The following FAM83H variants were observed in gnomAD, a reference collection of about 807,000 sequenced individuals.
The protein encoded by FAM83H is protein FAM83H.
In FAM83H, 24 loss-of-function variants were observed where a neutral mutation model predicts 30.2. The ratio of observed to expected loss-of-function variants is 0.79; its 90% confidence interval spans 0.57 to 1.12. The LOEUF is 1.12. Among genes scored for constraint, FAM83H ranks in the 50% most tolerant of loss-of-function variants. FAM83H has a pLI of 0.00. For missense variants in FAM83H, 2,038 were observed against 1,773.9 expected (o/e 1.15, Z -2.67); for synonymous variants, 1,013 against 821.7 (o/e 1.23, Z -3.98).
Position 143,727,472 on chromosome 8 carries a change from G to C in FAM83H, c.1989C>G (p.Ala663=), listed in dbSNP as rs1554622602. Residue 663 remains alanine, a synonymous_variant, in exon 5 of 5, where the codon GCC becomes GCG. Coordinates refer to ENST00000388913, the MANE Select transcript of FAM83H (RefSeq NM_198488.5). ...EREGPEEPGL[A]KQDSFRSRLN... ...GGCGCGAGCGGAATGAGTCCTGCTT[G>C]GCCAGGCCAGGCTCCTCCGGGCCCT... 1.3e-6 allele frequency: 2 copies of C among 1,569,376 alleles called. No individual in the cohort carries two copies. Among genetic ancestry groups the C allele is most frequent in the Non-Finnish European group, 1.7e-6 (2 of 1,165,186 alleles).
chr8:143,727,419 C>G lies in FAM83H; in HGVS notation c.2042G>C (p.Arg681Thr). Reference sequence around the variant, plus strand: ...GCTGAAGATGAGCGAGGAGCGCAGCCTGGAGCTGCGCTGGACCAGGGGGTT... The same window carrying G: ...GCTGAAGATGAGCGAGGAGCGCAGCGTGGAGCTGCGCTGGACCAGGGGGTT... ...RLNPLVQRSS[R>T]LRSSLIFSTS... Residue 681 changes from arginine (R) to threonine (T), a missense_variant, in exon 5 of 5, where the codon AGG (arginine) becomes ACG (threonine). By Grantham distance (71) the Arg-to-Thr change is moderately conservative (BLOSUM62 -1). Coordinates refer to ENST00000388913, the MANE Select transcript of FAM83H (RefSeq NM_198488.5). 1 of 1,571,562 alleles carries G rather than the reference C, an allele frequency of 6.4e-7. No individual in the cohort carries two copies. Among genetic ancestry groups the G allele is most frequent in the South Asian group, 1.1e-5 (1 of 88,084 alleles).
rs1311605717 is a variant in FAM83H, at chr8:143,725,855, G to A, written c.*66C>T. On this transcript the variant is annotated 3_prime_UTR_variant, in exon 5 of 5. Transcript: ENST00000388913. ...GCAGATGAGCAGGGCTCTCTGTTCC[G>A]CGGGGCTTCTGGATGACCGGGGCAG... is the stretch of plus-strand genomic sequence containing the variant. 8.2e-6 allele frequency: 13 copies of A among 1,584,412 alleles called. No homozygotes were observed. The highest frequency in any genetic ancestry group is 2.3e-5 in the East Asian group (1 of 44,102).
rs1818584765 is a variant in FAM83H, at chr8:143,733,093, G to A, written c.-16+598C>T. On this transcript the variant is annotated intron_variant, in intron 1 of 4. Coordinates refer to ENST00000388913, the MANE Select transcript of FAM83H (RefSeq NM_198488.5). This position sits in a 1 kb window ranked among gnomAD's most constrained non-coding sequence, Gnocchi z 5.6. ...GCGGAAAGGTGGGGTGCGGAGGACG[G>A]GGCTCACAGACCGGAAGTCGCTCAG... 6.5e-6 allele frequency: 1 copy of A among 154,558 alleles called. No individual in the cohort carries two copies. Among genetic ancestry groups the A allele is most frequent in the Non-Finnish European group, 1.5e-5 (1 of 68,372 alleles). 9.6% of individuals were successfully genotyped at this position (154,558 alleles called of 1,614,324 possible). A position where few individuals can be genotyped will look rare whatever the true frequency, so the allele number is the denominator to read the frequency against.
rs782512164 is a variant in FAM83H at position 143,728,233 on chromosome 8, G to A, written c.1228C>T (p.His410Tyr). 1 of 1,587,388 alleles carries A rather than the reference G, an allele frequency of 6.3e-7. No individual in the cohort carries two copies. Among genetic ancestry groups the A allele is most frequent in the South Asian group, 1.1e-5 (1 of 89,048 alleles). The change falls in exon 5 of 5, where the codon CAC (histidine) becomes TAC (tyrosine). Residue 410 changes from histidine (H) to tyrosine (Y), a missense_variant. Transcript: ENST00000388913. ...CCCGCGCCCTCGGTCGCGAAGCTGT[G>A]CCGCTTGAAGGCGTCCATCTCCAGG... ...RHLEMDAFKR[H>Y]SFATEGAGAV...
chr8:143,732,157 C>T (rs1393668136), intron 1 of FAM83H: 26 of 985,400 alleles, frequency 2.6e-5, no homozygotes, highest in East Asian at 1.1e-4. Context: ...AGGAGGCAGC[C>T]GTCCTGCCTG....
In FAM83H at chr8:143,726,842, C is replaced by T. The variant is rs1818314196; in HGVS notation, c.2619G>A (p.Ser873=). ...LHNESKGSPT[S]AYPERKGSPT... is the part of the protein sequence containing the mutation. ...GGCTCCCCTTCCGCTCAGGGTAAGC[C>T]GAGGTGGGGCTCCCTTTTGACTCAT... Residue 873 remains serine, a synonymous_variant, in exon 5 of 5, where the codon TCG becomes TCA. Transcript: ENST00000388913. 3.1e-6 allele frequency: 5 copies of T among 1,612,886 alleles called. No homozygotes were observed. The highest frequency in any genetic ancestry group is 1.1e-5 in the South Asian group (1 of 91,070).
Position 143,730,442 on chromosome 8 carries a change from G to A in FAM83H, c.141C>T (p.Leu47=), listed in dbSNP as rs201606392. ...GGAAGTCTGGTGCCCCCTCGGTAGC[G>A]AGGAAGCGGCTGTAGGCCTCCGAGC... ...EGGSEAYSRF[L]ATEGAPDFLC... The change falls in exon 2 of 5, where the codon CTC becomes CTT. Residue 47 remains leucine (L), a synonymous_variant. Coordinates refer to ENST00000388913, the MANE Select transcript of FAM83H (RefSeq NM_198488.5). 4.1e-4 allele frequency: 664 copies of A among 1,612,200 alleles called. 1 individual carries two copies. Among genetic ancestry groups the A allele is most frequent in the Non-Finnish European group, 4.9e-4 (573 of 1,179,984 alleles).
chr8:143,730,085 G>A (rs782315114), intron 2 of FAM83H, 51 bp downstream of exon 2: 4 of 1,429,940 alleles, frequency 2.8e-6, no homozygotes, highest in Non-Finnish European at 1.9e-6. Flanking sequence ...CCACCCCCGT[G>A]CCTCTAGCCC....
At position 143,725,231 on chromosome 8, in the gene FAM83H, C is replaced by T. The variant is rs1378799988; in HGVS notation, c.*690G>A. The T allele has an allele frequency of 7.4e-6, 1 of 135,614 alleles. No homozygotes were observed. Among genetic ancestry groups the T allele is most frequent in the African/African-American group, 2.9e-5 (1 of 34,930 alleles). The allele number at this position is 135,614 out of a possible 1,614,324, so 8.4% of individuals were successfully genotyped here. On this transcript the variant is annotated 3_prime_UTR_variant, in exon 5 of 5. Coordinates refer to ENST00000388913, the MANE Select transcript of FAM83H (RefSeq NM_198488.5). ...GCGGGGAGGGGGGAGGCCCTGAGAA[C>T]AGGAGGCCCTGAGGAGGAGAAGGGC...
At chr8:143,728,855 G>A (rs1818409805) in intron 4 of FAM83H, 112 bp downstream of exon 4, 6 of 1,598,924 alleles carry the variant, frequency 3.8e-6, no homozygotes, top group South Asian at 3.3e-5. Context: ...AGGCTGTGCA[G>A]GGGTCTACAG....
At position 143,728,497 on chromosome 8, in the gene FAM83H, A is replaced by G; in HGVS notation, c.964T>C (p.Phe322Leu). 1.9e-6 allele frequency: 3 copies of G among 1,556,058 alleles called. No homozygotes were observed. The highest frequency in any genetic ancestry group is 1.7e-6 in the Non-Finnish European group (2 of 1,149,890). ...PGVGAPTPFS[F>L]PKRAHLLFPP... Reference sequence around the variant, plus strand: ...AACAGGAGGTGCGCTCGTTTAGGGAAGGAGAAGGGGGTTGGCGCCCCGACC... The same window carrying G: ...AACAGGAGGTGCGCTCGTTTAGGGAGGGAGAAGGGGGTTGGCGCCCCGACC... Residue 322 changes from phenylalanine to leucine, a missense_variant, in exon 5 of 5, where the codon TTC (phenylalanine) becomes CTC (leucine). By Grantham distance (22) the Phe-to-Leu change is conservative. Coordinates refer to ENST00000388913, the MANE Select transcript of FAM83H (RefSeq NM_198488.5).
At chr8:143,732,739 C>G (rs960700565) in intron 1 of FAM83H, 1 of 985,256 alleles carries the variant, frequency 1.0e-6, no homozygotes, top group Admixed American at 6.1e-5. Flanking sequence ...TGCAGCCACT[C>G]CCGAGCCCAA....
rs768789109 is a variant in FAM83H at position 143,728,380 on chromosome 8, G to A, written c.1081C>T (p.Arg361Trp). 1.0e-4 allele frequency: 155 copies of A among 1,545,062 alleles called. 1 individual carries two copies. The highest frequency in any genetic ancestry group is 7.5e-4 in the South Asian group (63 of 83,870). ...GGTTCCAGCGCGCCCCCCGGCATCC[G>A]CGGCGGCTCCTCCCGGCGGAAGGCC... ...LSAFRREEPPRMPGGALEPHA... is the reference protein window; with the variant it reads ...LSAFRREEPPWMPGGALEPHA... Residue 361 changes from arginine to tryptophan, a missense_variant, in exon 5 of 5, where the codon CGG becomes TGG. Coordinates refer to ENST00000388913, the MANE Select transcript of FAM83H (RefSeq NM_198488.5).
chr8:143,726,473 G>A lies in FAM83H; in HGVS notation c.2988C>T (p.Pro996=), dbSNP rs1554621815. The A allele has an allele frequency of 1.1e-5, 17 of 1,603,414 alleles. No homozygotes were observed. Among genetic ancestry groups the A allele is most frequent in the African/African-American group, 2.7e-5 (2 of 74,876 alleles). Residue 996 remains proline (P), a synonymous_variant, in exon 5 of 5, where the codon CCC becomes CCT. Transcript: ENST00000388913. ...GFPVPQENGQ[P]ESPRRLSLGQ... ...CCAGTGACAGACGCCGCGGGCTCTCGGGTTGGCCGTTCTCCTGCGGCACTG... is the reference window on the plus strand; with the variant it reads ...CCAGTGACAGACGCCGCGGGCTCTCAGGTTGGCCGTTCTCCTGCGGCACTG...
Position 143,729,249 on chromosome 8 carries a change from C to A in FAM83H, c.522G>T (p.Arg174=), listed in dbSNP as rs201053825. 9.2e-5 allele frequency: 149 copies of A among 1,613,234 alleles called. 1 individual carries two copies. The East Asian group carries it at 3.3e-3, about 36-fold the overall frequency. The change falls in exon 3 of 5, where the codon CGG becomes CGT. Residue 174 remains arginine, a synonymous_variant. Transcript: ENST00000388913. ...CATCCAGCAGGATGTAGACTGGGACCCGACGGGCCGCGGCCTCCAGCACTT... is the reference window on the plus strand; with the variant it reads ...CATCCAGCAGGATGTAGACTGGGACACGACGGGCCGCGGCCTCCAGCACTT... ...LSEVLEAAAR[R]VPVYILLDEM... is the part of the protein sequence containing the mutation.
At chr8:143,732,351 C>G (rs1818553440) in intron 1 of FAM83H, 2 of 985,404 alleles carry the variant, frequency 2.0e-6, no homozygotes, top group Non-Finnish European at 2.4e-6. Context: ...CAGATCGAGG[C>G]CAACCACATG....
chr8:143,728,600 C>G lies in FAM83H; in HGVS notation c.861G>C (p.Ser287=). 1 of 1,608,884 alleles carries G rather than the reference C, an allele frequency of 6.2e-7. No individual in the cohort carries two copies. The change falls in exon 5 of 5, where the codon TCG becomes TCC. Residue 287 remains serine, a synonymous_variant. Coordinates refer to ENST00000388913, the MANE Select transcript of FAM83H (RefSeq NM_198488.5). ...CGTCCATGCGGGCCAGGGCCGCGGC[C>G]GAGGGCACAAGCGGCTCGGACTGCG... The part of the protein sequence containing the change: ...LFAQSEPLVP[S]AAALARMDAY...
chr8:143,728,355 G>A lies in FAM83H; in HGVS notation c.1106C>T (p.Pro369Leu), dbSNP rs1273372287. ...PPRMPGGALE[P>L]HAGLRPLSRR... Reference sequence around the variant, plus strand: ...CGAGAGCGGCCGCAGCCCCGCGTGCGGTTCCAGCGCGCCCCCCGGCATCCG... The same window carrying A: ...CGAGAGCGGCCGCAGCCCCGCGTGCAGTTCCAGCGCGCCCCCCGGCATCCG... Residue 369 changes from proline (P) to leucine (L), a missense_variant, in exon 5 of 5, where the codon CCG becomes CTG. Coordinates refer to ENST00000388913, the MANE Select transcript of FAM83H (RefSeq NM_198488.5). The A allele has an allele frequency of 8.5e-6, 13 of 1,533,762 alleles. No individual in the cohort carries two copies. The East Asian group carries it at 2.5e-4, about 30-fold the overall frequency.
Position 143,727,428 on chromosome 8 carries a change from C to A in FAM83H, c.2033G>T (p.Arg678Leu), listed in dbSNP as rs1554622560. Reference sequence around the variant, plus strand: ...GAGCGAGGAGCGCAGCCTGGAGCTGCGCTGGACCAGGGGGTTCAGGCGCGA... The same window carrying A: ...GAGCGAGGAGCGCAGCCTGGAGCTGAGCTGGACCAGGGGGTTCAGGCGCGA... The part of the protein sequence containing the change: ...FRSRLNPLVQ[R>L]SSRLRSSLIF... Residue 678 changes from arginine to leucine, a missense_variant, in exon 5 of 5, where the codon CGC becomes CTC. Physicochemically the swap from Arg to Leu is moderately radical, Grantham distance 102. Transcript: ENST00000388913. 1 of 1,571,980 alleles carries A rather than the reference C, an allele frequency of 6.4e-7. No homozygotes were observed. The highest frequency in any genetic ancestry group is 8.6e-7 in the Non-Finnish European group (1 of 1,166,758).
Sources: gnomAD v4.1 joint callset for allele counts on GRCh38, gnomAD v4.1.1 for gene constraint, Gnocchi (gnomAD v3.1) non-coding constraint, MANE v1.5 for transcripts, NCBI Gene and HGNC (gene_info 2026-07-23, HGNC 2026-07-21) for gene names.